Variants in PABPC4L observed in about 807,000 individuals in gnomAD.
PABPC4L encodes poly(A) binding protein cytoplasmic 4 like, also known as polyadenylate-binding protein 4-like.
For missense variants in PABPC4L, 452 were observed against 451.4 expected (o/e 1.00, Z -0.01); for synonymous variants, 169 against 164.1 (o/e 1.03, Z -0.23).
At chr4:133,948,983 C>T in the PABPC4L span, among the ~76,000 whole-genome samples, 1 of 152,184 alleles carries the variant, frequency 6.6e-6, no homozygotes, top group Non-Finnish European at 1.5e-5. Context: ...AGCCTGAGAG[C>T]TAACCATTCC....
At chr4:134,104,087 T>A in the PABPC4L span, among the ~76,000 whole-genome samples, 1 of 151,860 alleles carries the variant, frequency 6.6e-6, no homozygotes, top group Admixed American at 6.6e-5. Context: ...TTGCTAATAT[T>A]TAAAATAACT....
chr4:133,987,697 C>A, the PABPC4L span, among the ~76,000 whole-genome samples: 1 of 152,088 alleles, frequency 6.6e-6, no homozygotes, highest in African/African-American at 2.4e-5. Flanking sequence ...GTGAATATTT[C>A]TTTAAAATTA....
chr4:134,079,012 C>T, the PABPC4L span, among the ~76,000 whole-genome samples: 25,110 of 137,992 alleles, frequency 0.18, 2,971 homozygotes, highest in Admixed American at 0.23. Context: ...TGCTCTGTCG[C>T]CCAGGCTGGG....
chr4:134,064,450 C>G, the PABPC4L span, among the ~76,000 whole-genome samples: 1 of 151,884 alleles, frequency 6.6e-6, no homozygotes, highest in East Asian at 1.9e-4. Context: ...TAAATAGTAA[C>G]CGGTGTAATG....
the PABPC4L span, among the ~76,000 whole-genome samples, chr4:134,004,915 T>C: frequency 3.3e-5 from 5 of 151,880 alleles, no homozygotes; most frequent in South Asian, 1.0e-3. Flanking sequence ...ATGGAAATCA[T>C]AGAACCAGAA....
At chr4:134,192,982 A>C (rs550099170), downstream of PABPC4L, among the ~76,000 whole-genome samples, 1 of 152,212 alleles carries the variant, frequency 6.6e-6, no homozygotes, top group Non-Finnish European at 1.5e-5. Context: ...TATGCTTAAA[A>C]TTTCTGCAAT....
At chr4:134,106,999 T>C in the PABPC4L span, among the ~76,000 whole-genome samples, 2 of 151,504 alleles carry the variant, frequency 1.3e-5, no homozygotes, top group Non-Finnish European at 3.0e-5. Flanking sequence ...CTAAACTAAG[T>C]GGAGAATTTA....
the PABPC4L span, among the ~76,000 whole-genome samples, chr4:134,050,078 T>C: frequency 6.6e-5 from 10 of 152,134 alleles, no homozygotes; most frequent in African/African-American, 2.4e-4. Context: ...TAAGACTAGA[T>C]GAAGTATATT....
the PABPC4L span, among the ~76,000 whole-genome samples, chr4:134,065,004 T>C: frequency 0.7 from 106,905 of 151,888 alleles, 38,058 homozygotes; most frequent in East Asian, 0.95. Flanking sequence ...TGTTGATGGG[T>C]ATTTATATTG....
At chr4:134,087,106 T>A in the PABPC4L span, among the ~76,000 whole-genome samples, 1 of 152,060 alleles carries the variant, frequency 6.6e-6, no homozygotes, top group Admixed American at 6.6e-5. Flanking sequence ...CTATAAATCA[T>A]GCTGCTATAA....
the PABPC4L span, among the ~76,000 whole-genome samples, chr4:133,995,108 C>T: frequency 6.6e-6 from 1 of 152,172 alleles, no homozygotes; most frequent in East Asian, 1.9e-4. Flanking sequence ...GGGCCTGGGG[C>T]CAGCCCCTCA....
the PABPC4L span, among the ~76,000 whole-genome samples, chr4:133,981,979 A>G: frequency 6.6e-6 from 1 of 152,024 alleles, no homozygotes; most frequent in East Asian, 1.9e-4. Context: ...TGTATATTTA[A>G]TAAAGTTACT....
the PABPC4L span, among the ~76,000 whole-genome samples, chr4:133,986,726 T>C: frequency 2.6e-5 from 4 of 151,160 alleles, no homozygotes; most frequent in Admixed American, 2.7e-4. Flanking sequence ...CATGTGGTAC[T>C]TTAGTGAGAA....
the PABPC4L span, among the ~76,000 whole-genome samples, chr4:134,042,660 G>C: frequency 6.6e-6 from 1 of 152,080 alleles, no homozygotes; most frequent in Non-Finnish European, 1.5e-5. Context: ...CTAGACTTGT[G>C]GTGCCTCTAA....
the PABPC4L span, among the ~76,000 whole-genome samples, chr4:134,182,576 G>T: frequency 7.9e-5 from 12 of 151,868 alleles, no homozygotes; most frequent in Non-Finnish European, 1.6e-4. Context: ...AAAAGCAATT[G>T]CAACAAAAAC....
At chr4:134,106,115 A>G in the PABPC4L span, among the ~76,000 whole-genome samples, 2 of 151,558 alleles carry the variant, frequency 1.3e-5, no homozygotes, top group East Asian at 1.9e-4. Flanking sequence ...CCTGGTACCA[A>G]GCTCTCTACT....
the PABPC4L span, among the ~76,000 whole-genome samples, chr4:134,101,326 C>T: frequency 1.3e-5 from 2 of 151,438 alleles, no homozygotes; most frequent in African/African-American, 4.8e-5. Context: ...TCAGAGAATA[C>T]TCAGATTTGA....
the PABPC4L span, among the ~76,000 whole-genome samples, chr4:133,967,672 G>T: frequency 6.6e-6 from 1 of 152,182 alleles, no homozygotes; most frequent in East Asian, 1.9e-4. Flanking sequence ...CAATGAGGCG[G>T]CAGCATCTCT....
the PABPC4L span, among the ~76,000 whole-genome samples, chr4:134,142,645 G>A: frequency 7.3e-5 from 11 of 151,302 alleles, no homozygotes; most frequent in Non-Finnish European, 1.0e-4. Flanking sequence ...TATAGGACAT[G>A]TCCACAACTA....
Sources: gnomAD v4.1 joint callset for allele counts (sites outside exome capture counted in the v4.1 genomes callset) on GRCh38, gnomAD v4.1.1 for gene constraint, MANE v1.5 for transcripts, NCBI Gene and HGNC (gene_info 2026-07-23, HGNC 2026-07-21) for gene names.